HHAT: variants seen among roughly 807,000 people sequenced by gnomAD.
HHAT encodes the protein protein-cysteine N-palmitoyltransferase HHAT.
Under a neutral mutation model 70.8 loss-of-function variants are expected in HHAT, and 47 were observed. That is an observed-to-expected ratio of 0.66 (90% CI 0.53 to 0.85). The LOEUF (loss-of-function observed/expected upper bound fraction) is 0.85, where lower values mean the gene tolerates loss of function less well. Ranked by LOEUF, HHAT falls within the 40% of genes least tolerant of loss-of-function variation. The pLI is 0.00. For synonymous variants in HHAT, 228 were observed against 247.6 expected (o/e 0.92, Z 0.74); for missense variants, 609 against 604.8 (o/e 1.01, Z -0.07).
At chr1:210,387,356 T>C (rs1458520224) in intron 3 of HHAT, 112 bp from the exon 4 acceptor site, 2 of 844,062 alleles carry the variant, frequency 2.4e-6, no homozygotes, top group African/African-American at 3.3e-5. Context: ...AAATCCTCTT[T>C]TACAGAGTTT....
intron 9 of HHAT, among the ~76,000 whole-genome samples, chr1:210,551,533 A>G (rs1372984402): frequency 6.6e-6 from 1 of 152,206 alleles, no homozygotes; most frequent in African/African-American, 2.4e-5. Context: ...CTTTAAAGTG[A>G]TTAATGCTTT....
chr1:210,447,181 C>G (rs892124607), intron 7 of HHAT, among the ~76,000 whole-genome samples: 1 of 152,186 alleles, frequency 6.6e-6, no homozygotes, highest in Non-Finnish European at 1.5e-5. Flanking sequence ...TCTCAGTGTA[C>G]TTATCTGTAA....
intron 8 of HHAT, among the ~76,000 whole-genome samples, chr1:210,479,215 T>C (rs2094353433): frequency 6.6e-6 from 1 of 152,204 alleles, no homozygotes; most frequent in Non-Finnish European, 1.5e-5. Flanking sequence ...CTATTTAGAC[T>C]TGTTGTAGAG....
At chr1:210,508,904 A>G (rs1398332371) in intron 8 of HHAT, among the ~76,000 whole-genome samples, 1 of 152,226 alleles carries the variant, frequency 6.6e-6, no homozygotes, top group Non-Finnish European at 1.5e-5. Context: ...AAATGTTGAA[A>G]TAATCTTAAA....
intron 3 of HHAT, among the ~76,000 whole-genome samples, chr1:210,373,196 C>T (rs1457232766): frequency 6.6e-6 from 1 of 151,936 alleles, no homozygotes; most frequent in Non-Finnish European, 1.5e-5. Flanking sequence ...TAACATGATT[C>T]AGACTTATAT....
chr1:210,391,297 G>A (rs1310454318), intron 4 of HHAT, among the ~76,000 whole-genome samples: 1 of 152,084 alleles, frequency 6.6e-6, no homozygotes, highest in Admixed American at 6.6e-5. Context: ...ATGAATTAAG[G>A]AGTTAAAATG....
intron 10 of HHAT, among the ~76,000 whole-genome samples, chr1:210,607,801 TAGAG>T (rs112129241): frequency 4.0e-5 from 6 of 151,398 alleles, no homozygotes; most frequent in Non-Finnish European, 8.8e-5. Context: ...TTAAAAAAAA[TAGAG>T]AGAGAGAGAT....
At chr1:210,357,198 T>A (rs2087728094) in intron 2 of HHAT, among the ~76,000 whole-genome samples, 1 of 152,224 alleles carries the variant, frequency 6.6e-6, no homozygotes, top group Non-Finnish European at 1.5e-5. Context: ...ACTGGCATTT[T>A]CCTCCTGGGT....
chr1:210,666,949 G>A (rs937780740), intron 11 of HHAT, among the ~76,000 whole-genome samples: 10 of 150,438 alleles, frequency 6.6e-5, no homozygotes, highest in African/African-American at 2.2e-4. Flanking sequence ...GCGCAGTGGC[G>A]GGTGCCTGTA....
At chr1:210,644,602 CAAAAAAA>C (rs57190952) in intron 11 of HHAT, among the ~76,000 whole-genome samples, 29 of 64,026 alleles carry the variant, frequency 4.5e-4, no homozygotes, top group African/African-American at 1.5e-3. Context: ...GACTCCATCT[CAAAAAAA>C]AAAAAAAAAA....
intron 7 of HHAT, among the ~76,000 whole-genome samples, chr1:210,450,631 C>T (rs2093734557): frequency 6.7e-6 from 1 of 149,442 alleles, no homozygotes; most frequent in South Asian, 2.1e-4. Context: ...TTACATACCC[C>T]AAGGACTGTG....
At chr1:210,467,431 T>A (rs531861908) in intron 8 of HHAT, among the ~76,000 whole-genome samples, 1 of 152,352 alleles carries the variant, frequency 6.6e-6, no homozygotes, top group South Asian at 2.1e-4. Flanking sequence ...ATTCTCTAAC[T>A]TTTCTCTTTA....
intron 3 of HHAT, among the ~76,000 whole-genome samples, chr1:210,380,807 G>C (rs2148114931): frequency 6.6e-6 from 1 of 152,210 alleles, no homozygotes; most frequent in South Asian, 2.1e-4. Flanking sequence ...ATGTGGTGCT[G>C]TGGGGTCAGA....
chr1:210,501,480 AG>A (rs1203210831), intron 8 of HHAT, among the ~76,000 whole-genome samples: 3 of 152,160 alleles, frequency 2.0e-5, no homozygotes, highest in Non-Finnish European at 4.4e-5. Context: ...AAACTCATAG[AG>A]GGGTGGTGGA....
intron 1 of HHAT, among the ~76,000 whole-genome samples, chr1:210,341,983 TCTCA>T (rs2086079719): frequency 6.6e-6 from 1 of 152,044 alleles, no homozygotes; most frequent in Admixed American, 6.6e-5. Context: ...GCCTCAAAAT[TCTCA>T]CTCTTTTCAA....
At chr1:210,411,466 T>A (rs2092551805) in intron 6 of HHAT, among the ~76,000 whole-genome samples, 1 of 152,172 alleles carries the variant, frequency 6.6e-6, no homozygotes, top group South Asian at 2.1e-4. Context: ...TCCAAGAGTT[T>A]GAGCAGGTTG....
intron 3 of HHAT, among the ~76,000 whole-genome samples, chr1:210,372,785 T>TG (rs2089688139): frequency 6.6e-6 from 1 of 151,088 alleles, no homozygotes; most frequent in Non-Finnish European, 1.5e-5. Context: ...GAGGTGTTTT[T>TG]TTTTTTTTTT....
At chr1:210,339,608 G>A (rs1262021874) in intron 1 of HHAT, among the ~76,000 whole-genome samples, 3 of 152,178 alleles carry the variant, frequency 2.0e-5, no homozygotes, top group African/African-American at 7.2e-5. Flanking sequence ...CCCTGGCCTG[G>A]GGGAGAAGGG....
intron 11 of HHAT, among the ~76,000 whole-genome samples, chr1:210,633,228 T>C (rs1671219958): frequency 6.6e-6 from 1 of 152,192 alleles, no homozygotes; most frequent in Non-Finnish European, 1.5e-5. Flanking sequence ...AAACAGTTCA[T>C]GAGTCCAGCA....
Sources: allele counts gnomAD v4.1 joint callset (sites outside exome capture counted in the v4.1 genomes callset), GRCh38; gene constraint gnomAD v4.1.1; transcripts MANE v1.5; gene names NCBI Gene and HGNC (gene_info 2026-07-23, HGNC 2026-07-21).